Variants in TMEM132C observed in about 807,000 individuals in gnomAD.
The protein encoded by TMEM132C is protein phosphatase 1, regulatory subunit 152.
TMEM132C carries 29 observed loss-of-function variants against 61.4 expected under a neutral mutation model. That is an observed-to-expected ratio of 0.47 (90% CI 0.35 to 0.64). The LOEUF (loss-of-function observed/expected upper bound fraction) is 0.64, where lower values mean the gene tolerates loss of function less well. Among genes scored for constraint, TMEM132C ranks in the 30% least tolerant of loss-of-function variants. TMEM132C has a pLI of 0.00. For missense variants in TMEM132C, 1,408 were observed against 1,476.9 expected, an observed-to-expected ratio of 0.95 and a Z score of 0.76; for synonymous variants, 656 against 633.1, an observed-to-expected ratio of 1.04 and a Z score of -0.54.
intron 2 of TMEM132C, among the ~76,000 whole-genome samples, chr12:128,453,069 A>G (rs764538303): frequency 1.1e-4 from 16 of 152,214 alleles, no homozygotes; most frequent in Non-Finnish European, 1.9e-4. Context: ...TTCCAAAAAT[A>G]ATAACTGAAG....
At chr12:128,681,009 C>T (rs961284500) in intron 5 of TMEM132C, among the ~76,000 whole-genome samples, 15 of 152,152 alleles carry the variant, frequency 9.9e-5, no homozygotes, top group Admixed American at 3.9e-4. Context: ...TGGTTAGCCT[C>T]GGGGAAGATG....
At position 128,360,860 on chromosome 12, in the gene TMEM132C, G is replaced by A. The variant is rs183558373; in HGVS notation, c.86-53872G>A. Among the ~76,000 whole-genome samples, 351 of 152,338 alleles carry A rather than the reference G, an allele frequency of 2.3e-3. 1 individual carries two copies. Among genetic ancestry groups the A allele is most frequent in the Non-Finnish European group, 3.6e-3 (243 of 68,032 alleles). On this transcript the variant is annotated intron_variant, in intron 1 of 8. Coordinates refer to ENST00000435159, the MANE Select transcript of TMEM132C (RefSeq NM_001136103.3). ...CCTCTAGCCTAGCTGGAGTGTACCA[G>A]TGAGGTCTTTTCCTACATACATGAG...
intron 1 of TMEM132C, among the ~76,000 whole-genome samples, chr12:128,276,882 ATGTG>A (rs1870708629): frequency 8.9e-6 from 1 of 112,916 alleles, no homozygotes; most frequent in Admixed American, 9.8e-5. Flanking sequence ...GTGTGCATGC[ATGTG>A]CGTGCATGCA....
chr12:128,506,270 T>G (rs1872356418), intron 2 of TMEM132C, among the ~76,000 whole-genome samples: 1 of 152,154 alleles, frequency 6.6e-6, no homozygotes, highest in East Asian at 1.9e-4. Flanking sequence ...ATTACATGGG[T>G]CTCCTGCAGA....
chr12:128,652,185 A>G (rs969077382), intron 4 of TMEM132C, among the ~76,000 whole-genome samples: 1 of 151,966 alleles, frequency 6.6e-6, no homozygotes, highest in South Asian at 2.1e-4. Flanking sequence ...TTGAAATAGG[A>G]TCTAGCCACA....
At chr12:128,557,938 C>T (rs1874382743) in intron 3 of TMEM132C, among the ~76,000 whole-genome samples, 1 of 152,246 alleles carries the variant, frequency 6.6e-6, no homozygotes, top group Non-Finnish European at 1.5e-5. Flanking sequence ...AACGTGGCCT[C>T]TTGAGCCAGC....
At chr12:128,277,326 T>G (rs1870727043) in intron 1 of TMEM132C, among the ~76,000 whole-genome samples, 1 of 152,220 alleles carries the variant, frequency 6.6e-6, no homozygotes, top group South Asian at 2.1e-4. Flanking sequence ...CCCAATCTCT[T>G]GGCTGCTCTG....
chr12:128,495,499 G>A (rs1259265262), intron 2 of TMEM132C, among the ~76,000 whole-genome samples: 4 of 152,160 alleles, frequency 2.6e-5, no homozygotes, highest in Non-Finnish European at 4.4e-5. Context: ...CTAAGGACTT[G>A]CTTTATGAAT....
chr12:128,270,625 A>G (rs1447897429), intron 1 of TMEM132C, among the ~76,000 whole-genome samples: 1 of 152,004 alleles, frequency 6.6e-6, no homozygotes, highest in African/African-American at 2.4e-5. Context: ...GCCCCTCTCA[A>G]CTCACCCGCA....
intron 2 of TMEM132C, among the ~76,000 whole-genome samples, chr12:128,520,224 A>G (rs982115693): frequency 3.3e-5 from 5 of 152,230 alleles, no homozygotes; most frequent in African/African-American, 7.2e-5. Context: ...GCCCTCGCTC[A>G]GCAGTCCACG....
At chr12:128,690,921 A>G (rs1033380901) in intron 5 of TMEM132C, among the ~76,000 whole-genome samples, 1 of 152,198 alleles carries the variant, frequency 6.6e-6, no homozygotes, top group African/African-American at 2.4e-5. Flanking sequence ...AATTGAGCCC[A>G]GAGTAGCCAT....
intron 1 of TMEM132C, among the ~76,000 whole-genome samples, chr12:128,408,032 T>C (rs1875407231): frequency 8.2e-6 from 1 of 121,332 alleles, no homozygotes; most frequent in African/African-American, 2.9e-5. Flanking sequence ...TTCTTTATGG[T>C]CTGTCTCTTC....
intron 1 of TMEM132C, among the ~76,000 whole-genome samples, chr12:128,283,058 A>T (rs993831763): frequency 2.0e-5 from 3 of 152,202 alleles, no homozygotes; most frequent in Non-Finnish European, 4.4e-5. Context: ...AGATGTTCAG[A>T]GTCTACGTGA....
intron 5 of TMEM132C, among the ~76,000 whole-genome samples, chr12:128,690,049 G>A (rs974002772): frequency 4.6e-5 from 7 of 152,206 alleles, no homozygotes; most frequent in African/African-American, 1.7e-4. Flanking sequence ...TGCAGACTCA[G>A]GAAGGTGCCA....
chr12:128,325,523 T>A (rs1263784531), intron 1 of TMEM132C, among the ~76,000 whole-genome samples: 1 of 152,212 alleles, frequency 6.6e-6, no homozygotes, highest in African/African-American at 2.4e-5. Flanking sequence ...TGTATATACA[T>A]GCACATGTAT....
intron 4 of TMEM132C, among the ~76,000 whole-genome samples, chr12:128,655,627 T>C (rs1424333952): frequency 6.6e-6 from 1 of 151,898 alleles, no homozygotes; most frequent in Non-Finnish European, 1.5e-5. Flanking sequence ...GAGTTGTCAG[T>C]CTCTGCTTTC....
intron 1 of TMEM132C, among the ~76,000 whole-genome samples, chr12:128,304,524 G>A (rs1278461535): frequency 2.6e-5 from 4 of 152,010 alleles, no homozygotes; most frequent in East Asian, 1.9e-4. Flanking sequence ...CAGGAGAATC[G>A]CTCGAACCCA....
chr12:128,285,989 T>C (rs57878875), intron 1 of TMEM132C, among the ~76,000 whole-genome samples: 17 of 35,210 alleles, frequency 4.8e-4, no homozygotes, highest in Middle Eastern at 0.029. Context: ...CTTTCTCTCT[T>C]TCTCTCTCTC....
intron 3 of TMEM132C, among the ~76,000 whole-genome samples, chr12:128,593,960 C>A (rs1048507013): frequency 2.0e-5 from 3 of 152,074 alleles, no homozygotes; most frequent in Admixed American, 6.5e-5. Context: ...ACCTCTGGCT[C>A]TCCTGAGTTA....
Sources: allele counts gnomAD v4.1 joint callset (sites outside exome capture counted in the v4.1 genomes callset), GRCh38; gene constraint gnomAD v4.1.1; transcripts MANE v1.5; gene names NCBI Gene and HGNC (gene_info 2026-07-23, HGNC 2026-07-21).